The following SLC8A3 variants were observed in gnomAD, a reference collection of about 807,000 sequenced individuals.
The protein encoded by SLC8A3 is sodium/calcium exchanger 3.
A neutral mutation model predicts 65.4 loss-of-function variants in SLC8A3; 37 were observed. That is an observed-to-expected ratio of 0.57 (90% CI 0.44 to 0.74). SLC8A3 has a LOEUF of 0.74. Among genes scored for constraint, SLC8A3 ranks in the 30% least tolerant of loss-of-function variants. The probability of loss-of-function intolerance (pLI) is 0.00; values close to 1 mark genes in which losing one functional copy is unlikely to be tolerated. For synonymous variants in SLC8A3, 461 were observed against 444.5 expected (o/e 1.04, Z -0.47); for missense variants, 1,112 against 1,172.1 (o/e 0.95, Z 0.75).
intron 2 of SLC8A3, chr14:70,080,017 T>G: frequency 1.2e-6 from 1 of 827,402 alleles, no homozygotes; most frequent in Non-Finnish European, 1.5e-6. Context: ...AACATTCACA[T>G]TGGGTTGTCG....
At position 70,052,023 on chromosome 14, in the gene SLC8A3, T is replaced by C; in HGVS notation, c.1980A>G (p.Leu660=). Residue 660 remains leucine, a synonymous_variant, in exon 4 of 7, where the codon CTA becomes CTG. Coordinates refer to ENST00000356921, the MANE Select transcript of SLC8A3 (RefSeq NM_182932.3). ...CATAGGACTCTTCAATGATGACTTC[T>C]AGTTTGGGGTGTTCACCCAATACTG... is the stretch of plus-strand genomic sequence containing the variant. ...GKPVLGEHPK[L]EVIIEESYEF... is the part of the protein sequence containing the mutation. 1 of 1,613,490 alleles carries C rather than the reference T, an allele frequency of 6.2e-7. No individual in the cohort carries two copies. Among genetic ancestry groups the C allele is most frequent in the South Asian group, 1.1e-5 (1 of 91,002 alleles).
intron 2 of SLC8A3, among the ~76,000 whole-genome samples, chr14:70,141,954 G>A (rs1398333849): frequency 6.6e-6 from 1 of 152,088 alleles, no homozygotes; most frequent in Non-Finnish European, 1.5e-5. Flanking sequence ...GGGTCTGTAG[G>A]TCCACCCCAG....
intron 2 of SLC8A3, among the ~76,000 whole-genome samples, chr14:70,117,048 G>A (rs1172919242): frequency 2.0e-5 from 3 of 152,210 alleles, no homozygotes; most frequent in Non-Finnish European, 4.4e-5. Context: ...AATTACCTGT[G>A]TTCTCCAGGG....
intron 2 of SLC8A3, among the ~76,000 whole-genome samples, chr14:70,071,214 G>A (rs1179679798): frequency 1.3e-5 from 2 of 152,220 alleles, no homozygotes; most frequent in African/African-American, 4.8e-5. Context: ...TGGGGAGGCA[G>A]AGTTTCTAAA....
rs1886712697 is a variant in SLC8A3 at position 70,045,951 on chromosome 14, AACCCC to A, written c.2757_2761del (p.Lys919AsnfsTer14). On this transcript the variant is annotated frameshift_variant, in exon 7 of 7. Coordinates refer to ENST00000356921, the MANE Select transcript of SLC8A3 (RefSeq NM_182932.3). LOFTEE classifies it high-confidence loss of function. The stretch of plus-strand genomic sequence containing the variant: ...CTGGAGGCTCTGTTGTGTGGCTTAG[AACCCC>A]TTGATGTAGCAATAGGCCTCTAGTG... The A allele has an allele frequency of 6.3e-7, 1 of 1,589,770 alleles. No individual in the cohort carries two copies. Among genetic ancestry groups the A allele is most frequent in the African/African-American group, 1.3e-5 (1 of 74,350 alleles).
intron 2 of SLC8A3, among the ~76,000 whole-genome samples, chr14:70,129,385 C>T (rs1427598500): frequency 6.6e-6 from 1 of 152,136 alleles, no homozygotes. Context: ...AGCTACTATT[C>T]CTGTGAGCCA....
At chr14:70,055,811 G>A (rs1417271316) in intron 3 of SLC8A3, 2 of 1,610,968 alleles carry the variant, frequency 1.2e-6, no homozygotes, top group Non-Finnish European at 1.7e-6. Flanking sequence ...GATAACAGGA[G>A]CGCTGTTTGC....
intron 2 of SLC8A3, among the ~76,000 whole-genome samples, chr14:70,130,740 G>A (rs1044644597): frequency 2.0e-5 from 3 of 152,244 alleles, no homozygotes; most frequent in African/African-American, 7.2e-5. Flanking sequence ...ATGACAAATT[G>A]TAATGCTGCA....
At chr14:70,068,395 T>C (rs771261745) in intron 2 of SLC8A3, among the ~76,000 whole-genome samples, 3 of 152,202 alleles carry the variant, frequency 2.0e-5, no homozygotes, top group Non-Finnish European at 4.4e-5. Flanking sequence ...TATTTATTTA[T>C]TGAGACAGGG....
intron 2 of SLC8A3, among the ~76,000 whole-genome samples, chr14:70,104,310 A>G (rs1367947982): frequency 6.6e-6 from 1 of 152,164 alleles, no homozygotes; most frequent in Non-Finnish European, 1.5e-5. Context: ...CCCAATGACT[A>G]CAGAATACAC....
chr14:70,172,418 G>A (rs556639852), intron 1 of SLC8A3, among the ~76,000 whole-genome samples: 5 of 152,250 alleles, frequency 3.3e-5, no homozygotes, highest in African/African-American at 1.2e-4. Flanking sequence ...ATTTTACTAA[G>A]CTGTCCCACT....
intron 2 of SLC8A3, among the ~76,000 whole-genome samples, chr14:70,146,392 C>G (rs530876008): frequency 3.3e-5 from 5 of 152,098 alleles, no homozygotes; most frequent in African/African-American, 1.2e-4. Flanking sequence ...AGTTGGGTTT[C>G]GTATCTGCAG....
chr14:70,070,137 A>G (rs947698550), intron 2 of SLC8A3, among the ~76,000 whole-genome samples: 4 of 152,200 alleles, frequency 2.6e-5, no homozygotes, highest in African/African-American at 9.7e-5. Context: ...ACTTTGGAGT[A>G]CATCCAGAGT....
rs1292760728 is a variant in SLC8A3 at position 70,046,160 on chromosome 14, C to T, written c.2553G>A (p.Ser851=). 8 of 1,614,164 alleles carry T rather than the reference C, an allele frequency of 5.0e-6. No homozygotes were observed. The highest frequency in any genetic ancestry group is 1.6e-4 in the Middle Eastern group (1 of 6,062). Residue 851 remains serine, a synonymous_variant, in exon 7 of 7, where the codon TCG becomes TCA. Transcript: ENST00000356921. This position sits in a 1 kb window ranked among gnomAD's most constrained non-coding sequence, Gnocchi z 4.2. ...WALQGQEFHV[S]AGTLAFSVTL... ...TGACGGAGAAGGCCAGTGTGCCGGC[C>T]GACACGTGGAACTCCTGTCCCTGCA...
intron 2 of SLC8A3, among the ~76,000 whole-genome samples, chr14:70,160,636 C>T (rs1168978289): frequency 6.6e-6 from 1 of 152,110 alleles, no homozygotes; most frequent in Non-Finnish European, 1.5e-5. Flanking sequence ...GCACTGGATA[C>T]TCTGCTGCAC....
intron 2 of SLC8A3, among the ~76,000 whole-genome samples, chr14:70,127,977 A>G (rs1012585436): frequency 6.6e-6 from 1 of 152,134 alleles, no homozygotes; most frequent in Non-Finnish European, 1.5e-5. Context: ...AGGATTGCCG[A>G]GATCATTTTC....
chr14:70,167,926 C>G lies in SLC8A3; in HGVS notation c.497G>C (p.Gly166Ala). ...TGCACTCCCTACAATGGTAGAAGGT[C>G]CCAGATCACCAGCAATGAACCCATG... ...CGHGFIAGDL[G>A]PSTIVGSAAF... Residue 166 changes from glycine to alanine, a missense_variant, in exon 2 of 7, where the codon GGA becomes GCA. By Grantham distance (60) the Gly-to-Ala change is moderately conservative. Transcript: ENST00000356921. 1 of 1,614,104 alleles carries G rather than the reference C, an allele frequency of 6.2e-7. No homozygotes were observed. Among genetic ancestry groups the G allele is most frequent in the Non-Finnish European group, 8.5e-7 (1 of 1,180,014 alleles).
In SLC8A3 at chr14:70,167,454, C is replaced by T. The variant is rs763755618; in HGVS notation, c.969G>A (p.Leu323=). The part of the protein sequence containing the change: ...RREMIRILKD[L]KQKHPEKDLD... Reference sequence around the variant, plus strand: ...AGTCCTTCTCTGGGTGTTTTTGCTTCAGATCCTTGAGAATCCGGATCATCT... The same window carrying T: ...AGTCCTTCTCTGGGTGTTTTTGCTTTAGATCCTTGAGAATCCGGATCATCT... Residue 323 remains leucine, a synonymous_variant, in exon 2 of 7, where the codon CTG becomes CTA. Coordinates refer to ENST00000356921, the MANE Select transcript of SLC8A3 (RefSeq NM_182932.3). 1.2e-6 allele frequency: 2 copies of T among 1,614,058 alleles called. No homozygotes were observed. Among genetic ancestry groups the T allele is most frequent in the Non-Finnish European group, 1.7e-6 (2 of 1,180,044 alleles).
intron 2 of SLC8A3, among the ~76,000 whole-genome samples, chr14:70,068,194 G>A (rs944077869): frequency 6.6e-6 from 1 of 152,174 alleles, no homozygotes; most frequent in African/African-American, 2.4e-5. Context: ...AAGGGGAAGG[G>A]TTCTCTTTAG....
Sources: gnomAD v4.1 joint callset for allele counts (sites outside exome capture counted in the v4.1 genomes callset) on GRCh38, gnomAD v4.1.1 for gene constraint, Gnocchi (gnomAD v3.1) non-coding constraint, MANE v1.5 for transcripts, NCBI Gene and HGNC (gene_info 2026-07-23, HGNC 2026-07-21) for gene names.